TAFA1: variants seen among roughly 807,000 people sequenced by gnomAD.
TAFA1 encodes TAFA chemokine like family member 1, also known as chemokine-like protein TAFA-1.
A neutral mutation model predicts 18.5 loss-of-function variants in TAFA1; 4 were observed. The ratio of observed to expected loss-of-function variants is 0.22; its 90% confidence interval spans 0.11 to 0.49. TAFA1 has a LOEUF of 0.49. Among genes scored for constraint, TAFA1 ranks in the 20% least tolerant of loss-of-function variants. The pLI, the probability that TAFA1 is intolerant of heterozygous loss-of-function variation, is 0.98. For synonymous variants in TAFA1, 56 were observed against 55.2 expected (o/e 1.01, Z -0.06); for missense variants, 147 against 169.0 (o/e 0.87, Z 0.72).
At chr3:68,403,549 G>A (rs955337105) in intron 2 of TAFA1, among the ~76,000 whole-genome samples, 5 of 152,190 alleles carry the variant, frequency 3.3e-5, no homozygotes, top group African/African-American at 1.2e-4. Context: ...CTTCACCTTT[G>A]AAATGGCTGG....
intron 2 of TAFA1, among the ~76,000 whole-genome samples, chr3:68,253,691 G>T (rs2067239899): frequency 6.6e-6 from 1 of 152,136 alleles, no homozygotes; most frequent in Non-Finnish European, 1.5e-5. Flanking sequence ...ATAGTACAAT[G>T]ATTATTTTCT....
At chr3:68,169,459 C>T (rs2066025212) in intron 2 of TAFA1, among the ~76,000 whole-genome samples, 1 of 152,240 alleles carries the variant, frequency 6.6e-6, no homozygotes, top group South Asian at 2.1e-4. Flanking sequence ...ATTCTACTTC[C>T]TTTCCCACAG....
intron 3 of TAFA1, among the ~76,000 whole-genome samples, chr3:68,435,967 A>G (rs779829469): frequency 6.6e-6 from 1 of 152,136 alleles, no homozygotes. Context: ...AGATATTTTT[A>G]CTTGATTGAG....
At chr3:68,328,549 C>A (rs2068812014) in intron 2 of TAFA1, among the ~76,000 whole-genome samples, 1 of 152,130 alleles carries the variant, frequency 6.6e-6, no homozygotes, top group Non-Finnish European at 1.5e-5. Context: ...AACATTTCAA[C>A]CTTGGTGGAT....
chr3:68,248,740 G>C (rs1410355132), intron 2 of TAFA1, among the ~76,000 whole-genome samples: 1 of 134,054 alleles, frequency 7.5e-6, no homozygotes, highest in East Asian at 2.7e-4. Context: ...GGGGGGCGGG[G>C]GGCGGGGGCT....
intron 2 of TAFA1, among the ~76,000 whole-genome samples, chr3:68,090,380 C>A (rs6548978): frequency 6.6e-5 from 10 of 152,186 alleles, no homozygotes; most frequent in Non-Finnish European, 1.3e-4. Flanking sequence ...ATGACCAGGA[C>A]ACTAACAATT....
intron 3 of TAFA1, among the ~76,000 whole-genome samples, chr3:68,480,882 C>T (rs1438811483): frequency 6.6e-6 from 1 of 152,046 alleles, no homozygotes; most frequent in African/African-American, 2.4e-5. Flanking sequence ...GGCAGTTTCC[C>T]TCATACTGTT....
chr3:68,212,640 C>A (rs2066610630), intron 2 of TAFA1, among the ~76,000 whole-genome samples: 3 of 151,998 alleles, frequency 2.0e-5, no homozygotes, highest in Admixed American at 6.6e-5. Context: ...ATTTTCTCAG[C>A]TTTTATCCCC....
Position 68,191,544 on chromosome 3 carries a change from T to TCAATC in TAFA1, c.118+184800_118+184801insCAATC, listed in dbSNP as rs1417907923. Among the ~76,000 whole-genome samples the TCAATC allele has an allele frequency of 2.8e-4, 42 of 151,984 alleles. No homozygotes were observed. The South Asian group carries it at 8.5e-3, about 31-fold the overall frequency. On this transcript the variant is annotated intron_variant, in intron 2 of 4. Coordinates refer to ENST00000478136, the MANE Select transcript of TAFA1 (RefSeq NM_213609.4). ...TATTGGTTTGGCTTTAGTACATACC[T>TCAATC]GTAGGATTGATGAATTGAAATATTT...
intron 2 of TAFA1, among the ~76,000 whole-genome samples, chr3:68,108,308 T>C (rs2065225818): frequency 6.6e-6 from 1 of 152,138 alleles, no homozygotes; most frequent in Admixed American, 6.6e-5. Context: ...TAAATATTAT[T>C]TTTCTAATGC....
chr3:68,107,045 G>T (rs1433569158), intron 2 of TAFA1, among the ~76,000 whole-genome samples: 1 of 152,092 alleles, frequency 6.6e-6, no homozygotes, highest in Non-Finnish European at 1.5e-5. Context: ...GTAAAATACA[G>T]ATTTACCATA....
chr3:68,092,106 T>A (rs2065036711), intron 2 of TAFA1, among the ~76,000 whole-genome samples: 1 of 152,116 alleles, frequency 6.6e-6, no homozygotes, highest in Non-Finnish European at 1.5e-5. Context: ...AATACCCAAC[T>A]CACCTCAGTC....
chr3:68,114,922 G>A (rs760590750), intron 2 of TAFA1, among the ~76,000 whole-genome samples: 2 of 152,144 alleles, frequency 1.3e-5, no homozygotes, highest in Non-Finnish European at 2.9e-5. Flanking sequence ...GGCAACAGAA[G>A]TCAGATTTAA....
the TAFA1 span, among the ~76,000 whole-genome samples, chr3:67,993,168 G>A: frequency 6.6e-6 from 1 of 152,220 alleles, no homozygotes; most frequent in Admixed American, 6.5e-5. Context: ...TATATATTGG[G>A]TAGTAGGCTT....
At chr3:68,331,600 G>C (rs2068872079) in intron 2 of TAFA1, among the ~76,000 whole-genome samples, 1 of 152,080 alleles carries the variant, frequency 6.6e-6, no homozygotes, top group South Asian at 2.1e-4. Flanking sequence ...CACCTTTTAG[G>C]AGGTTATTAC....
At chr3:68,029,322 A>G (rs1704882970) in intron 2 of TAFA1, among the ~76,000 whole-genome samples, 1 of 152,156 alleles carries the variant, frequency 6.6e-6, no homozygotes, top group Non-Finnish European at 1.5e-5. Context: ...TTCTGTAACA[A>G]GTCTTTGAAA....
chr3:68,370,776 C>T (rs1435220604), intron 2 of TAFA1, among the ~76,000 whole-genome samples: 7 of 111,130 alleles, frequency 6.3e-5, no homozygotes, highest in African/African-American at 1.3e-4. Context: ...CGGGTGTTTT[C>T]GTTGTTTTTT....
intron 2 of TAFA1, among the ~76,000 whole-genome samples, chr3:68,234,571 A>G (rs1316189998): frequency 3.3e-5 from 5 of 152,060 alleles, no homozygotes; most frequent in East Asian, 1.9e-4. Context: ...CCATTTTTCT[A>G]TTTCCAAAAA....
At chr3:68,185,315 A>G (rs1295893203) in intron 2 of TAFA1, among the ~76,000 whole-genome samples, 1 of 152,126 alleles carries the variant, frequency 6.6e-6, no homozygotes, top group Admixed American at 6.6e-5. Flanking sequence ...ATAAAGAAGA[A>G]TGGACTTGAA....
Sources: allele counts gnomAD v4.1 joint callset (sites outside exome capture counted in the v4.1 genomes callset), GRCh38; gene constraint gnomAD v4.1.1; transcripts MANE v1.5; gene names NCBI Gene and HGNC (gene_info 2026-07-23, HGNC 2026-07-21).